PTH2R: variants seen among roughly 807,000 people sequenced by gnomAD.
PTH2R encodes the protein PTH2 receptor.
A neutral mutation model predicts 60.3 loss-of-function variants in PTH2R; 59 were observed. That is an observed-to-expected ratio of 0.98 (90% CI 0.79 to 1.22). The LOEUF (loss-of-function observed/expected upper bound fraction) is 1.22. Among genes scored for constraint, PTH2R ranks in the 50% most tolerant of loss-of-function variants. PTH2R has a pLI of 0.00. For missense variants in PTH2R, 749 were observed against 682.6 expected (o/e 1.10, Z -1.08); for synonymous variants, 256 against 243.8 (o/e 1.05, Z -0.47).
intron 1 of PTH2R, among the ~76,000 whole-genome samples, chr2:208,380,242 G>A (rs1053447040): frequency 6.6e-6 from 1 of 152,122 alleles, no homozygotes. Flanking sequence ...AACTTGCTAA[G>A]GAAAGCTGTG....
intron 4 of PTH2R, among the ~76,000 whole-genome samples, chr2:208,441,668 AGAG>A (rs1377427256): frequency 6.6e-6 from 1 of 152,212 alleles, no homozygotes; most frequent in Non-Finnish European, 1.5e-5. Flanking sequence ...GGCATGGTGG[AGAG>A]GAGGAGGTGT....
chr2:208,430,610 G>C (rs1442629420), intron 2 of PTH2R, among the ~76,000 whole-genome samples: 1 of 147,332 alleles, frequency 6.8e-6, no homozygotes, highest in Non-Finnish European at 1.5e-5. Context: ...GCAGTGGCAT[G>C]ATCTTGGCTC....
chr2:208,407,670 C>T (rs1018237174), intron 1 of PTH2R, among the ~76,000 whole-genome samples: 1 of 152,172 alleles, frequency 6.6e-6, no homozygotes, highest in African/African-American at 2.4e-5. Context: ...CACTTTTGTA[C>T]TGCTAATATC....
At chr2:208,455,304 A>G (rs1352207460) in intron 8 of PTH2R, among the ~76,000 whole-genome samples, 1 of 152,198 alleles carries the variant, frequency 6.6e-6, no homozygotes, top group African/African-American at 2.4e-5. Flanking sequence ...TCAGAATTTT[A>G]GAGATGATAG....
At position 208,443,538 on chromosome 2, in the gene PTH2R, G is replaced by A. The variant is rs959136821; in HGVS notation, c.699+1G>A. 8 of 1,592,454 alleles carry A rather than the reference G, an allele frequency of 5.0e-6. No individual in the cohort carries two copies. The highest frequency in any genetic ancestry group is 6.8e-6 in the Non-Finnish European group (8 of 1,171,166). On this transcript the variant is annotated splice_donor_variant, in intron 6 of 12. Coordinates refer to ENST00000272847, the MANE Select transcript of PTH2R (RefSeq NM_005048.4). LOFTEE classifies it high-confidence loss of function. Reference sequence around the variant, plus strand: ...AACTTCTGTGGACAAATCACAATATGTAAGTGTTTTCACCATTTTCTCTCA... The same window carrying A: ...AACTTCTGTGGACAAATCACAATATATAAGTGTTTTCACCATTTTCTCTCA...
At chr2:208,397,097 T>C (rs1302988280) in intron 1 of PTH2R, among the ~76,000 whole-genome samples, 1 of 151,920 alleles carries the variant, frequency 6.6e-6, no homozygotes, top group African/African-American at 2.4e-5. Context: ...TAGGTGGGAA[T>C]TGAACAATGA....
At chr2:208,460,768 A>T (rs970034616) in intron 9 of PTH2R, among the ~76,000 whole-genome samples, 1 of 152,188 alleles carries the variant, frequency 6.6e-6, no homozygotes, top group African/African-American at 2.4e-5. Context: ...GTGTTCATGT[A>T]TGTAATACAT....
chr2:208,446,964 C>A (rs1324694813), intron 7 of PTH2R, among the ~76,000 whole-genome samples: 2 of 152,090 alleles, frequency 1.3e-5, no homozygotes, highest in African/African-American at 4.8e-5. Context: ...TTCATTAGAG[C>A]AGAGAACTTG....
At chr2:208,422,214 A>T (rs1701770171) in intron 1 of PTH2R, among the ~76,000 whole-genome samples, 1 of 152,168 alleles carries the variant, frequency 6.6e-6, no homozygotes, top group African/African-American at 2.4e-5. Flanking sequence ...TGAAACCTTC[A>T]ACAAATTAGA....
At chr2:208,421,365 G>GTGTGTGT (rs1559214820) in intron 1 of PTH2R, among the ~76,000 whole-genome samples, 62 of 148,046 alleles carry the variant, frequency 4.2e-4, no homozygotes, top group African/African-American at 1.4e-3. Flanking sequence ...TCATATTGGG[G>GTGTGTGT]GTGTGTGTGT....
intron 1 of PTH2R, among the ~76,000 whole-genome samples, chr2:208,366,405 T>C (rs1314726122): frequency 6.6e-6 from 1 of 152,122 alleles, no homozygotes; most frequent in Non-Finnish European, 1.5e-5. Flanking sequence ...GAATTAGGAA[T>C]TGAAACTATA....
chr2:208,474,560 C>T (rs901197235), intron 9 of PTH2R, among the ~76,000 whole-genome samples: 2 of 152,196 alleles, frequency 1.3e-5, no homozygotes, highest in Admixed American at 6.5e-5. Context: ...GAGATTAGCC[C>T]ATGCCAAGTG....
intron 9 of PTH2R, among the ~76,000 whole-genome samples, chr2:208,477,964 G>GCACTAC (rs1703053709): frequency 1.2e-4 from 3 of 25,714 alleles, no homozygotes; most frequent in Non-Finnish European, 4.0e-4. Context: ...ACTACTACTA[G>GCACTAC]TACTAGTACT....
chr2:208,484,680 T>A (rs556232801), intron 10 of PTH2R, among the ~76,000 whole-genome samples: 1 of 152,326 alleles, frequency 6.6e-6, no homozygotes, highest in East Asian at 1.9e-4. Flanking sequence ...CCATTTAATG[T>A]TAGACAAAAC....
chr2:208,426,114 A>G (rs946716446), intron 1 of PTH2R, among the ~76,000 whole-genome samples: 1 of 152,196 alleles, frequency 6.6e-6, no homozygotes, highest in Non-Finnish European at 1.5e-5. Context: ...ATATTGGGTT[A>G]ATTATGAAGA....
Position 208,431,778 on chromosome 2 carries a change from C to G in PTH2R, c.178+3475C>G, listed in dbSNP as rs186767641. Among the ~76,000 whole-genome samples, 4 of 152,298 alleles carry G rather than the reference C, an allele frequency of 2.6e-5. No homozygotes were observed. In the East Asian group the frequency reaches 7.7e-4, roughly 29 times the overall value. ...CCACCCCATCAGGCCTCAGGCTCTTCTTTTGTTACCTGAACACCACCAAAA... is the reference window on the plus strand; with the variant it reads ...CCACCCCATCAGGCCTCAGGCTCTTGTTTTGTTACCTGAACACCACCAAAA... On this transcript the variant is annotated intron_variant, in intron 2 of 12. Transcript: ENST00000272847.
rs369042357 is a variant in PTH2R, at chr2:208,443,542, G to A, written c.699+5G>A. ...TCTGTGGACAAATCACAATATGTAA[G>A]TGTTTTCACCATTTTCTCTCATTAC... On this transcript the variant is annotated splice_donor_5th_base_variant and intron_variant, in intron 6 of 12. Coordinates refer to ENST00000272847, the MANE Select transcript of PTH2R (RefSeq NM_005048.4). 206 of 1,590,026 alleles carry A rather than the reference G, an allele frequency of 1.3e-4. No individual in the cohort carries two copies. The highest frequency in any genetic ancestry group is 1.6e-4 in the Non-Finnish European group (185 of 1,169,194).
At chr2:208,493,206 C>T in intron 12 of PTH2R, 58 bp from the exon 13 acceptor site, 1 of 1,386,570 alleles carries the variant, frequency 7.2e-7, no homozygotes, top group Non-Finnish European at 9.4e-7. Flanking sequence ...ATCTTTGTAA[C>T]AAGGCTGCAG....
intron 1 of PTH2R, among the ~76,000 whole-genome samples, chr2:208,387,475 C>T (rs1254025152): frequency 6.6e-6 from 1 of 152,188 alleles, no homozygotes; most frequent in Non-Finnish European, 1.5e-5. Flanking sequence ...TCATACTATA[C>T]TTTTTGTCCC....
Sources: gnomAD v4.1 joint callset for allele counts (sites outside exome capture counted in the v4.1 genomes callset) on GRCh38, gnomAD v4.1.1 for gene constraint, MANE v1.5 for transcripts, NCBI Gene and HGNC (gene_info 2026-07-23, HGNC 2026-07-21) for gene names.